Variants in ITPRID1 observed in about 807,000 individuals in gnomAD.
The protein encoded by ITPRID1 is ITPR interacting domain containing 1.
In ITPRID1, 96 loss-of-function variants were observed where a neutral mutation model predicts 95.4. That is an observed-to-expected ratio of 1.01 (90% confidence interval 0.85 to 1.19). The LOEUF is 1.19. Ranked by LOEUF, ITPRID1 falls within the 50% of genes most tolerant of loss-of-function variation. ITPRID1 has a pLI of 0.00. For missense variants in ITPRID1, 1,339 were observed against 1,252.9 expected, an observed-to-expected ratio of 1.07 and a Z score of -1.04; for synonymous variants, 510 against 453.6, an observed-to-expected ratio of 1.12 and a Z score of -1.58.
At chr7:31,552,175 G>A (rs1199862438) in intron 2 of ITPRID1, among the ~76,000 whole-genome samples, 1 of 142,732 alleles carries the variant, frequency 7.0e-6, no homozygotes, top group Non-Finnish European at 1.6e-5. Flanking sequence ...TAAATAATGG[G>A]GGCAGCTGAT....
At chr7:31,585,458 G>C (rs1204666310) in intron 10 of ITPRID1, among the ~76,000 whole-genome samples, 1 of 152,010 alleles carries the variant, frequency 6.6e-6, no homozygotes, top group East Asian at 1.9e-4. Flanking sequence ...AAATGGCAAG[G>C]GAATATAAGG....
intron 10 of ITPRID1, among the ~76,000 whole-genome samples, chr7:31,634,715 T>C (rs1198691594): frequency 6.6e-6 from 1 of 151,978 alleles, no homozygotes; most frequent in African/African-American, 2.4e-5. Context: ...CAGGGCTTGG[T>C]GGTGGTGAAG....
intron 10 of ITPRID1, among the ~76,000 whole-genome samples, chr7:31,613,067 G>C (rs969695911): frequency 1.3e-5 from 2 of 152,158 alleles, no homozygotes; most frequent in Non-Finnish European, 2.9e-5. Flanking sequence ...AGAGCTTCCA[G>C]ATAGGCCTAA....
intron 10 of ITPRID1, among the ~76,000 whole-genome samples, chr7:31,621,630 T>A (rs38348): frequency 6.8e-6 from 1 of 147,080 alleles, no homozygotes. Flanking sequence ...AAGGAACAAC[T>A]GGTACCAGAC....
rs200366088 is a variant in ITPRID1, at chr7:31,574,568, A to C, written c.424A>C (p.Ile142Leu). 2 of 1,613,566 alleles carry C rather than the reference A, an allele frequency of 1.2e-6. No individual in the cohort carries two copies. Among genetic ancestry groups the C allele is most frequent in the Non-Finnish European group, 1.7e-6 (2 of 1,179,646 alleles). The change falls in exon 8 of 15, where the codon ATA becomes CTA. Residue 142 changes from isoleucine to leucine, a missense_variant. Coordinates refer to ENST00000615280, the MANE Select transcript of ITPRID1 (RefSeq NM_001257967.3). ...SIPEWLEFWE[I>L]DPVEILLDLG... ...TCCTGAATGGCTGGAATTTTGGGAG[A>C]TAGATCCAGTGGAGATTCTCTTGGA...
chr7:31,519,265 T>G (rs217157), intron 1 of ITPRID1, among the ~76,000 whole-genome samples: 25,278 of 151,978 alleles, frequency 0.17, 3,003 homozygotes, highest in African/African-American at 0.3. Flanking sequence ...GTATAATGAT[T>G]GAAGTTAGCA....
Position 31,643,569 on chromosome 7 carries a change from A to G in ITPRID1, c.2199A>G (p.Thr733=). 1 of 1,614,046 alleles carries G rather than the reference A, an allele frequency of 6.2e-7. No homozygotes were observed. Among genetic ancestry groups the G allele is most frequent in the South Asian group, 1.1e-5 (1 of 91,084 alleles). ...AVALGTGPRG[T]SLECTVCDPV... ...CCTTGGGGACTGGTCCCAGAGGAAC[A>G]TCTTTAGAATGCACTGTGTGTGATC... Residue 733 remains threonine, a synonymous_variant, in exon 12 of 15, where the codon ACA becomes ACG. Coordinates refer to ENST00000615280, the MANE Select transcript of ITPRID1 (RefSeq NM_001257967.3).
intron 5 of ITPRID1, among the ~76,000 whole-genome samples, chr7:31,569,505 G>GA (rs1394976000): frequency 6.6e-6 from 1 of 152,162 alleles, no homozygotes; most frequent in African/African-American, 2.4e-5. Flanking sequence ...CTTCCTCCAT[G>GA]AAACCTTTGC....
At chr7:31,567,420 C>G (rs1784836866) in intron 5 of ITPRID1, among the ~76,000 whole-genome samples, 2 of 152,066 alleles carry the variant, frequency 1.3e-5, no homozygotes, top group South Asian at 4.1e-4. Context: ...TAATTCCAAT[C>G]AGTTGGTAGT....
chr7:31,520,154 T>C (rs751014439), intron 1 of ITPRID1, among the ~76,000 whole-genome samples: 2 of 152,076 alleles, frequency 1.3e-5, no homozygotes, highest in Non-Finnish European at 1.5e-5. Flanking sequence ...TTTTTCTTAT[T>C]ATTACACTGG....
chr7:31,575,648 G>A (rs1234399587), intron 8 of ITPRID1, among the ~76,000 whole-genome samples: 1 of 152,168 alleles, frequency 6.6e-6, no homozygotes, highest in Non-Finnish European at 1.5e-5. Flanking sequence ...GAAGCATTGA[G>A]GAAGACCTTC....
intron 10 of ITPRID1, among the ~76,000 whole-genome samples, chr7:31,611,574 A>G (rs947621183): frequency 6.6e-6 from 1 of 151,652 alleles, no homozygotes; most frequent in Non-Finnish European, 1.5e-5. Flanking sequence ...TTGTCTCTTT[A>G]TATCCTGTAT....
intron 6 of ITPRID1, 143 bp downstream of exon 6, chr7:31,569,952 A>C: frequency 1.7e-6 from 1 of 605,282 alleles, no homozygotes; most frequent in East Asian, 3.0e-5. Flanking sequence ...CACAGTGCCT[A>C]GAATGTTTAC....
In ITPRID1 at chr7:31,521,473, G is replaced by A. The variant is rs528159354; in HGVS notation, c.-98+7353G>A. Among the ~76,000 whole-genome samples the A allele has an allele frequency of 6.2e-4, 94 of 152,222 alleles. 2 individuals are homozygous for A. In the South Asian group the frequency reaches 0.019, roughly 30 times the overall value. ...TCTTGGAAACTTATTAAGGTGTATT[G>A]CATAACCTAGAATGCATTCCATCTT... On this transcript the variant is annotated intron_variant, in intron 1 of 14. Transcript: ENST00000615280.
intron 1 of ITPRID1, among the ~76,000 whole-genome samples, chr7:31,527,897 T>G (rs1330498665): frequency 6.6e-6 from 1 of 152,220 alleles, no homozygotes; most frequent in African/African-American, 2.4e-5. Flanking sequence ...CAGACAGACC[T>G]GAAAGGGAAG....
rs57709822 is a variant in ITPRID1 at position 31,520,515 on chromosome 7, TTGTGTGTGTGTGTGTGTGTG to T, written c.-98+6426_-98+6445del. Among the ~76,000 whole-genome samples, 164 of 135,666 alleles carry T rather than the reference TTGTGTGTGTGTGTGTGTGTG, an allele frequency of 1.2e-3. 1 individual carries two copies. The highest frequency in any genetic ancestry group is 2.4e-3 in the African/African-American group (86 of 35,158). 89.0% of individuals were successfully genotyped at this position (135,666 alleles called of 152,430 possible). A position where few individuals can be genotyped will look rare whatever the true frequency, so the allele number is the denominator to read the frequency against. On this transcript the variant is annotated intron_variant, in intron 1 of 14. Transcript: ENST00000615280. ...TGTGTCTCTTTGACATACCACATCA[TTGTGTGTGTGTGTGTGTGTG>T]TGTGTGTGTGTGTGTGTGTGTGTGT...
chr7:31,577,763 G>T, intron 8 of ITPRID1, 100 bp from the exon 9 acceptor site: 1 of 1,005,686 alleles, frequency 9.9e-7, no homozygotes, highest in Non-Finnish European at 1.4e-6. Context: ...TTCCTATCTT[G>T]AAAATTTCAT....
intron 10 of ITPRID1, among the ~76,000 whole-genome samples, chr7:31,597,541 C>T (rs942048330): frequency 1.3e-5 from 2 of 149,258 alleles, no homozygotes; most frequent in African/African-American, 4.9e-5. Context: ...TCAACAAGAA[C>T]CATAAACCTA....
chr7:31,557,482 T>C (rs1206954532), intron 5 of ITPRID1, among the ~76,000 whole-genome samples: 1 of 152,170 alleles, frequency 6.6e-6, no homozygotes, highest in Non-Finnish European at 1.5e-5. Flanking sequence ...ATGATGACTC[T>C]CTGGCTGTCA....
Sources: gnomAD v4.1 joint callset for allele counts (sites outside exome capture counted in the v4.1 genomes callset) on GRCh38, gnomAD v4.1.1 for gene constraint, MANE v1.5 for transcripts, NCBI Gene and HGNC (gene_info 2026-07-23, HGNC 2026-07-21) for gene names.